The following BCKDHB variants were observed in gnomAD, a reference collection of about 807,000 sequenced individuals.
BCKDHB encodes 2-oxoisovalerate dehydrogenase subunit beta, mitochondrial.
In BCKDHB, 41 loss-of-function variants were observed where a neutral mutation model predicts 48.5. That is an observed-to-expected ratio of 0.85 (90% confidence interval 0.66 to 1.10). The LOEUF (loss-of-function observed/expected upper bound fraction) is 1.10. BCKDHB is among the 50% of genes least tolerant of loss of function. The probability of loss-of-function intolerance (pLI) is 0.00; values close to 1 mark genes in which losing one functional copy is unlikely to be tolerated. For synonymous variants in BCKDHB, 201 were observed against 174.8 expected (o/e 1.15, Z -1.18); for missense variants, 496 against 494.2 (o/e 1.00, Z -0.03).
Position 80,270,044 on chromosome 6 carries a change from T to C in BCKDHB, c.952-3091T>C, listed in dbSNP as rs548360185. On this transcript the variant is annotated intron_variant, in intron 8 of 9. Transcript: ENST00000320393. Reference sequence around the variant, plus strand: ...ATAACATTCTCTTGTTTTGTAGATTTATAATGATCTCATTTTCACTATACT... The same window carrying C: ...ATAACATTCTCTTGTTTTGTAGATTCATAATGATCTCATTTTCACTATACT... 3.9e-5 allele frequency among the ~76,000 whole-genome samples: 6 copies of C among 152,252 alleles called. No homozygotes were observed. In the South Asian group the frequency reaches 6.2e-4, roughly 16 times the overall value.
intron 8 of BCKDHB, among the ~76,000 whole-genome samples, chr6:80,232,759 A>G (rs1048920236): frequency 2.2e-5 from 1 of 45,232 alleles, no homozygotes; most frequent in African/African-American, 5.9e-5. Flanking sequence ...GATATATGTT[A>G]TAGATATAAC....
chr6:80,350,838 T>C (rs1212793955), downstream of BCKDHB, among the ~76,000 whole-genome samples: 1 of 152,228 alleles, frequency 6.6e-6, no homozygotes, highest in Non-Finnish European at 1.5e-5. Flanking sequence ...TGTTTACTTA[T>C]TTATTTTTGC....
the BCKDHB span, among the ~76,000 whole-genome samples, chr6:80,464,678 C>T: frequency 6.6e-6 from 1 of 152,288 alleles, no homozygotes; most frequent in South Asian, 2.1e-4. Flanking sequence ...TCCAACATAA[C>T]CATTAAATTT....
At chr6:80,379,766 A>G in the BCKDHB span, among the ~76,000 whole-genome samples, 13 of 11,630 alleles carry the variant, frequency 1.1e-3, no homozygotes, top group South Asian at 0.43. Context: ...TACGAAATCA[A>G]TTTACATAAT....
intron 6 of BCKDHB, among the ~76,000 whole-genome samples, chr6:80,186,152 T>C (rs2490252): frequency 0.62 from 93,184 of 151,316 alleles, 28,927 homozygotes; most frequent in South Asian, 0.76. Context: ...TGGATGGGGC[T>C]TTAGAGTTCT....
intron 8 of BCKDHB, among the ~76,000 whole-genome samples, chr6:80,237,282 C>T (rs989362616): frequency 6.6e-6 from 1 of 152,144 alleles, no homozygotes; most frequent in African/African-American, 2.4e-5. Context: ...AGGCTGAAAA[C>T]AGGGATGTCA....
the BCKDHB span, among the ~76,000 whole-genome samples, chr6:80,417,665 A>G: frequency 1.3e-5 from 2 of 151,908 alleles, no homozygotes; most frequent in Admixed American, 1.3e-4. Context: ...TTGTCTCCCA[A>G]CCTCTTCTGG....
intron 8 of BCKDHB, among the ~76,000 whole-genome samples, chr6:80,249,924 ATG>A (rs1026834593): frequency 6.6e-6 from 1 of 152,142 alleles, no homozygotes; most frequent in African/African-American, 2.4e-5. Flanking sequence ...ACCTGCCTGT[ATG>A]TGTGTTGCTC....
the BCKDHB span, among the ~76,000 whole-genome samples, chr6:80,463,891 T>G: frequency 0.043 from 6,500 of 152,214 alleles, 428 homozygotes; most frequent in African/African-American, 0.15. Flanking sequence ...TTTTGGGCCT[T>G]GTCCATCTGC....
chr6:80,282,349 G>T (rs1766371139), intron 9 of BCKDHB, among the ~76,000 whole-genome samples: 1 of 152,124 alleles, frequency 6.6e-6, no homozygotes, highest in Non-Finnish European at 1.5e-5. Context: ...ACGTTTCCAG[G>T]ATATCATATT....
At chr6:80,419,527 G>A in the BCKDHB span, among the ~76,000 whole-genome samples, 2 of 152,294 alleles carry the variant, frequency 1.3e-5, no homozygotes, top group East Asian at 3.9e-4. Context: ...GTTGAGCTTA[G>A]GGGGATGGTT....
intron 6 of BCKDHB, among the ~76,000 whole-genome samples, chr6:80,190,100 A>T (rs1182029388): frequency 2.0e-5 from 3 of 152,156 alleles, no homozygotes; most frequent in Non-Finnish European, 4.4e-5. Flanking sequence ...ATGGTGGATG[A>T]TAAGTATGTA....
chr6:80,379,186 C>G, the BCKDHB span, among the ~76,000 whole-genome samples: 1 of 151,896 alleles, frequency 6.6e-6, no homozygotes, highest in Non-Finnish European at 1.5e-5. Flanking sequence ...AGCAAATATC[C>G]TCAACAAAAT....
the BCKDHB span, among the ~76,000 whole-genome samples, chr6:80,456,883 C>T: frequency 4.7e-4 from 71 of 152,288 alleles, no homozygotes; most frequent in African/African-American, 1.6e-3. Context: ...GTACATCTTC[C>T]GTCTTGATCC....
intron 1 of BCKDHB, among the ~76,000 whole-genome samples, chr6:80,120,253 G>A (rs1205331193): frequency 2.0e-5 from 3 of 151,928 alleles, no homozygotes; most frequent in African/African-American, 7.3e-5. Flanking sequence ...TCTTAATCTA[G>A]TCTATCATTG....
chr6:80,252,337 A>G (rs1360583377), intron 8 of BCKDHB, among the ~76,000 whole-genome samples: 2 of 152,212 alleles, frequency 1.3e-5, no homozygotes, highest in Non-Finnish European at 2.9e-5. Context: ...AAACAATGTT[A>G]TCGCTCAGAT....
At chr6:80,107,480 T>C (rs1769152882) in intron 1 of BCKDHB, among the ~76,000 whole-genome samples, 1 of 144,642 alleles carries the variant, frequency 6.9e-6, no homozygotes, top group Admixed American at 6.9e-5. Context: ...TGTGTGGATA[T>C]ATATACGCGC....
At chr6:80,417,608 G>T in the BCKDHB span, among the ~76,000 whole-genome samples, 2 of 152,118 alleles carry the variant, frequency 1.3e-5, no homozygotes, top group Non-Finnish European at 1.5e-5. Flanking sequence ...GTTTAGTTCG[G>T]CCAGATATAA....
chr6:80,226,368 G>T (rs1775675752), intron 8 of BCKDHB, among the ~76,000 whole-genome samples: 2 of 152,182 alleles, frequency 1.3e-5, no homozygotes, highest in Admixed American at 1.3e-4. Flanking sequence ...CCATCCCTGG[G>T]GAAGGGCGGC....
Sources: gnomAD v4.1 joint callset for allele counts (sites outside exome capture counted in the v4.1 genomes callset) on GRCh38, gnomAD v4.1.1 for gene constraint, MANE v1.5 for transcripts, NCBI Gene and HGNC (gene_info 2026-07-23, HGNC 2026-07-21) for gene names.